SULF2: variants seen among roughly 807,000 people sequenced by gnomAD.
The protein encoded by SULF2 is sulfatase 2.
A neutral mutation model predicts 107.7 loss-of-function variants in SULF2; 52 were observed. That is an observed-to-expected ratio of 0.48 (90% CI 0.39 to 0.61). The LOEUF (loss-of-function observed/expected upper bound fraction) is 0.61. SULF2 is among the 20% of genes least tolerant of loss of function. The probability of loss-of-function intolerance (pLI) is 0.00; values close to 1 mark genes in which losing one functional copy is unlikely to be tolerated. For missense variants in SULF2, 993 were observed against 1,177.3 expected, an observed-to-expected ratio of 0.84 and a Z score of 2.29; for synonymous variants, 460 against 464.3, an observed-to-expected ratio of 0.99 and a Z score of 0.12.
intron 4 of SULF2, among the ~76,000 whole-genome samples, chr20:47,693,566 G>A (rs1040179442): frequency 6.6e-6 from 1 of 152,364 alleles, no homozygotes; most frequent in Admixed American, 6.5e-5. Context: ...CGGATCAAAC[G>A]TGGATAAATC....
intron 5 of SULF2, among the ~76,000 whole-genome samples, chr20:47,687,368 C>A (rs79889909): frequency 0.024 from 3,625 of 152,284 alleles, 69 homozygotes; most frequent in Non-Finnish European, 0.039. Context: ...CATCTGAAAA[C>A]TTCACCTCCT....
intron 3 of SULF2, among the ~76,000 whole-genome samples, chr20:47,713,294 G>A (rs769925305): frequency 2.0e-4 from 30 of 152,144 alleles, no homozygotes; most frequent in Non-Finnish European, 4.3e-4. Flanking sequence ...ATCGGGCAGA[G>A]GCCAGGGATG....
intron 1 of SULF2, among the ~76,000 whole-genome samples, chr20:47,758,178 T>C (rs1304125113): frequency 6.8e-6 from 1 of 147,020 alleles, no homozygotes; most frequent in African/African-American, 2.6e-5. Flanking sequence ...TTTTTTTTTT[T>C]TTTTTCCCAG....
intron 1 of SULF2, among the ~76,000 whole-genome samples, chr20:47,763,800 CT>C (rs1490522424): frequency 1.3e-5 from 2 of 152,188 alleles, no homozygotes; most frequent in African/African-American, 4.8e-5. Flanking sequence ...GGTTTCCCTG[CT>C]TCTACCTCGT....
chr20:47,719,825 G>C (rs2146689665), intron 3 of SULF2, among the ~76,000 whole-genome samples: 1 of 152,258 alleles, frequency 6.6e-6, no homozygotes, highest in African/African-American at 2.4e-5. Context: ...TACACTAATG[G>C]GTGTGGCTGT....
At chr20:47,670,241 G>A (rs377453030) in intron 11 of SULF2, among the ~76,000 whole-genome samples, 30 of 152,110 alleles carry the variant, frequency 2.0e-4, no homozygotes, top group Admixed American at 5.2e-4. Context: ...CACCCAGGCT[G>A]GAGTGAAGTG....
intron 1 of SULF2, among the ~76,000 whole-genome samples, chr20:47,775,587 G>A (rs996576678): frequency 2.0e-5 from 3 of 152,230 alleles, no homozygotes; most frequent in East Asian, 1.9e-4. Context: ...AAATGACTAT[G>A]AGGTTAAGAC....
intron 4 of SULF2, among the ~76,000 whole-genome samples, chr20:47,693,276 C>G (rs1044330326): frequency 1.3e-5 from 2 of 152,154 alleles, no homozygotes; most frequent in Non-Finnish European, 2.9e-5. Flanking sequence ...CTGACATCAA[C>G]AGTCAGGGCC....
chr20:47,705,804 CTTTTTT>C (rs34029135), intron 3 of SULF2, among the ~76,000 whole-genome samples: 1 of 137,548 alleles, frequency 7.3e-6, no homozygotes, highest in Non-Finnish European at 1.6e-5. Context: ...CTTTTCTTTT[CTTTTTT>C]TTTTTTTTGA....
chr20:47,704,562 C>A (rs748312086), intron 3 of SULF2, among the ~76,000 whole-genome samples: 18 of 152,246 alleles, frequency 1.2e-4, no homozygotes, highest in African/African-American at 4.3e-4. Context: ...CGAGAGCCAC[C>A]GTGTCTGGCT....
chr20:47,785,357 C>A lies in SULF2; in HGVS notation c.-115G>T, dbSNP rs1464428691. The A allele has an allele frequency of 6.8e-6, 1 of 146,696 alleles. No individual in the cohort carries two copies. The highest frequency in any genetic ancestry group is 1.5e-5 in the Non-Finnish European group (1 of 65,590). The allele number at this position is 146,696 out of a possible 1,614,324, so 9.1% of individuals were successfully genotyped here. On this transcript the variant is annotated 5_prime_UTR_variant, in exon 1 of 21. Transcript: ENST00000688720. ...GCCCCACTCACCAGCGCGCACGGCC[C>A]CGGCAACCTCACCCGGAGCGGGGCG...
chr20:47,728,392 T>G (rs992984993), intron 3 of SULF2, among the ~76,000 whole-genome samples: 13 of 151,792 alleles, frequency 8.6e-5, no homozygotes, highest in African/African-American at 3.2e-4. Context: ...TCCCTGTGTG[T>G]GCAGAGAGGC....
At position 47,682,974 on chromosome 20, in the gene SULF2, C is replaced by A. The variant is rs1414601416; in HGVS notation, c.1064+20G>T. ...TGGGCCCAGGGGCCTCCCTGGGTCCCTGGGGGATGACACACTTACAGACAG... is the reference window on the plus strand; with the variant it reads ...TGGGCCCAGGGGCCTCCCTGGGTCCATGGGGGATGACACACTTACAGACAG... On this transcript the variant is annotated intron_variant, in intron 7 of 20. Coordinates refer to ENST00000688720, the MANE Select transcript of SULF2 (RefSeq NM_001387048.1). 6.4e-7 allele frequency: 1 copy of A among 1,565,068 alleles called. No individual in the cohort carries two copies. Among genetic ancestry groups the A allele is most frequent in the Non-Finnish European group, 8.7e-7 (1 of 1,149,452 alleles).
chr20:47,690,565 G>C (rs2146540244), intron 4 of SULF2, among the ~76,000 whole-genome samples: 1 of 152,230 alleles, frequency 6.6e-6, no homozygotes, highest in South Asian at 2.1e-4. Context: ...AATTGCAATA[G>C]ATCACTTTAG....
At chr20:47,712,371 C>T (rs113142768) in intron 3 of SULF2, among the ~76,000 whole-genome samples, 8 of 152,222 alleles carry the variant, frequency 5.3e-5, no homozygotes, top group African/African-American at 1.4e-4. Context: ...TCCTCCTCAC[C>T]GTGGCACCTC....
intron 2 of SULF2, among the ~76,000 whole-genome samples, chr20:47,752,467 C>T (rs2090178201): frequency 6.6e-6 from 1 of 151,882 alleles, no homozygotes; most frequent in African/African-American, 2.4e-5. Context: ...CAGCGGCTCG[C>T]ACCTGCAATT....
At chr20:47,702,203 A>G (rs1211412124) in intron 4 of SULF2, among the ~76,000 whole-genome samples, 1 of 152,126 alleles carries the variant, frequency 6.6e-6, no homozygotes, top group African/African-American at 2.4e-5. Context: ...GTCCACAGGC[A>G]TGTGCCACCA....
Position 47,691,617 on chromosome 20 carries a change from T to C in SULF2, c.568-1322A>G, listed in dbSNP as rs963926950. Among the ~76,000 whole-genome samples, 4 of 152,288 alleles carry C rather than the reference T, an allele frequency of 2.6e-5. No individual in the cohort carries two copies. In the South Asian group the frequency reaches 8.3e-4, roughly 32 times the overall value. ...GAGATAACGGGGTCTGAGGCAGGAA[T>C]GTGCTTGCCATGTGCTCTAAAAATA... On this transcript the variant is annotated intron_variant, in intron 4 of 20. Coordinates refer to ENST00000688720, the MANE Select transcript of SULF2 (RefSeq NM_001387048.1).
chr20:47,753,148 G>A (rs2090200328), intron 2 of SULF2, among the ~76,000 whole-genome samples: 1 of 150,930 alleles, frequency 6.6e-6, no homozygotes, highest in Admixed American at 6.6e-5. Context: ...TGCAAACACT[G>A]GATGCAGTCT....
Sources: gnomAD v4.1 joint callset for allele counts (sites outside exome capture counted in the v4.1 genomes callset) on GRCh38, gnomAD v4.1.1 for gene constraint, MANE v1.5 for transcripts, NCBI Gene and HGNC (gene_info 2026-07-23, HGNC 2026-07-21) for gene names.